Variants in TNS2 observed in about 807,000 individuals in gnomAD.
TNS2 encodes the protein tensin-2.
In TNS2, 77 loss-of-function variants were observed where a neutral mutation model predicts 155.7. That is an observed-to-expected ratio of 0.49 (90% CI 0.41 to 0.60). The LOEUF (loss-of-function observed/expected upper bound fraction) is 0.60. Ranked by LOEUF, TNS2 falls within the 20% of genes least tolerant of loss-of-function variation. The probability of loss-of-function intolerance (pLI) is 0.00; values close to 1 mark genes in which losing one functional copy is unlikely to be tolerated. For synonymous variants in TNS2, 726 were observed against 763.9 expected (o/e 0.95, Z 0.82); for missense variants, 1,703 against 1,868.8 (o/e 0.91, Z 1.64).
rs1395739532 is a variant in TNS2 at position 53,063,296 on chromosome 12, C to G, written c.3992+39C>G. 1.2e-6 allele frequency: 2 copies of G among 1,613,836 alleles called. No individual in the cohort carries two copies. Among genetic ancestry groups the G allele is most frequent in the East Asian group, 4.5e-5 (2 of 44,894 alleles). ...GCCCTGTAGAACCCCATGCTTAAGG[C>G]CCCTGGGGGCTCATGTTTCTGAGTG... On this transcript the variant is annotated intron_variant, in intron 26 of 28. Coordinates refer to ENST00000314250, the MANE Select transcript of TNS2 (RefSeq NM_170754.4). This position sits in a 1 kb window ranked among gnomAD's most constrained non-coding sequence, Gnocchi z 5.6.
chr12:53,063,320 T>G lies in TNS2; in HGVS notation c.3993-29T>G. 6.2e-7 allele frequency: 1 copy of G among 1,613,924 alleles called. No homozygotes were observed. Among genetic ancestry groups the G allele is most frequent in the Non-Finnish European group, 8.5e-7 (1 of 1,179,948 alleles). ...GCCCCTGGGGGCTCATGTTTCTGAG[T>G]GTGACCTTCCTCACCCTCCTCCTTG... On this transcript the variant is annotated intron_variant, in intron 26 of 28. Transcript: ENST00000314250. This position sits in a 1 kb window ranked among gnomAD's most constrained non-coding sequence, Gnocchi z 5.6.
At position 53,061,094 on chromosome 12, in the gene TNS2, A is replaced by G. The variant is rs556388649; in HGVS notation, c.3188A>G (p.Tyr1063Cys). ...CCTGCTTTCCCCCTGGCTGCCTCCTATGACACCAATGGCCTTAGCCAGCCC... is the reference window on the plus strand; with the variant it reads ...CCTGCTTTCCCCCTGGCTGCCTCCTGTGACACCAATGGCCTTAGCCAGCCC... ...PTPAFPLAAS[Y>C]DTNGLSQPPL... The change falls in exon 20 of 29, where the codon TAT becomes TGT. Residue 1063 changes from tyrosine (Y) to cysteine (C), a missense_variant. Tyr to Cys is a radical substitution (Grantham distance 194). Transcript: ENST00000314250. 5.0e-6 allele frequency: 8 copies of G among 1,611,664 alleles called. No homozygotes were observed. In the South Asian group the frequency reaches 6.6e-5, roughly 13 times the overall value.
Position 53,063,182 on chromosome 12 carries a change from GCC to G in TNS2, c.3921_3922del (p.Arg1308ProfsTer41), listed in dbSNP as rs1309771103. 8 of 1,612,274 alleles carry G rather than the reference GCC, an allele frequency of 5.0e-6. No individual in the cohort carries two copies. The highest frequency in any genetic ancestry group is 6.8e-6 in the Non-Finnish European group (8 of 1,179,504). On this transcript the variant is annotated frameshift_variant, in exon 26 of 29. Transcript: ENST00000314250. LOFTEE classifies it high-confidence loss of function. This position sits in a 1 kb window ranked among gnomAD's most constrained non-coding sequence, Gnocchi z 5.6. ...GCCAGCTCTGCAGCTCTGAGCTGTA[GCC>G]CCCGCCCGACACCAGCTGTTGTCCA... is the stretch of plus-strand genomic sequence containing the variant.
Position 53,057,607 on chromosome 12 carries a change from A to G in TNS2, c.886A>G (p.Arg296Gly), listed in dbSNP as rs1384945852. ...CAGTGGGCTGCTATCTGGCTCCATC[A>G]GAATGAACAGCAGCCCTCTCTTCCT... is the stretch of plus-strand genomic sequence containing the variant. ...YFSGLLSGSIRMNSSPLFLHY... is the reference protein window; with the variant it reads ...YFSGLLSGSIGMNSSPLFLHY... The change falls in exon 12 of 29, where the codon AGA (arginine) becomes GGA (glycine). Residue 296 changes from arginine to glycine, a missense_variant. Arg to Gly is a moderately radical substitution (Grantham distance 125, BLOSUM62 -2). Transcript: ENST00000314250. The G allele has an allele frequency of 2.5e-6, 4 of 1,613,800 alleles. No homozygotes were observed. Among genetic ancestry groups the G allele is most frequent in the Non-Finnish European group, 3.4e-6 (4 of 1,179,860 alleles).
Position 53,058,566 on chromosome 12 carries a change from C to G in TNS2, c.1226-6C>G, listed in dbSNP as rs370724710. ...GGCCTGGTTCTTCACTGTCCACTCC[C>G]CATAGATGAGAGGTTCCCCTTCCAA... On this transcript the variant is annotated splice_polypyrimidine_tract_variant and splice_region_variant and intron_variant, in intron 15 of 28. Transcript: ENST00000314250. The G allele has an allele frequency of 6.2e-7, 1 of 1,614,090 alleles. No individual in the cohort carries two copies. The highest frequency in any genetic ancestry group is 8.5e-7 in the Non-Finnish European group (1 of 1,179,996).
rs1231887179 is a variant in TNS2 at position 53,061,460 on chromosome 12, C to T, written c.3439C>T (p.Arg1147Cys). 8.7e-6 allele frequency: 14 copies of T among 1,613,944 alleles called. No individual in the cohort carries two copies. The South Asian group carries it at 8.8e-5, about 10-fold the overall frequency. ...SKFWYKPHLS[R>C]DQAIALLKDK... ...GTTCTGGTACAAGCCACACCTGTCC[C>T]GTGACCAAGGTGAGAAGCCAGCCTG... is the stretch of plus-strand genomic sequence containing the variant. The change falls in exon 21 of 29, where the codon CGT becomes TGT. Residue 1147 changes from arginine to cysteine, a missense_variant. Coordinates refer to ENST00000314250, the MANE Select transcript of TNS2 (RefSeq NM_170754.4).
Position 53,059,207 on chromosome 12 carries a change from G to T in TNS2, c.1566G>T (p.Glu522Asp). The T allele has an allele frequency of 6.3e-7, 1 of 1,583,954 alleles. No individual in the cohort carries two copies. The highest frequency in any genetic ancestry group is 1.8e-5 in the Admixed American group (1 of 55,548). The change falls in exon 18 of 29, where the codon GAG becomes GAT. Residue 522 changes from glutamate to aspartate, a missense_variant. Coordinates refer to ENST00000314250, the MANE Select transcript of TNS2 (RefSeq NM_170754.4). The surrounding 1 kb of genome is among the most constrained non-coding windows in gnomAD (Gnocchi z 4.7). The stretch of plus-strand genomic sequence containing the variant: ...GCCATTCCTCCACGCTGACCACAGA[G>T]CCGGCTGCTGAGTCCCCTGGCCGGC... ...DSGHSSTLTT[E>D]PAAESPGRPP... is the part of the protein sequence containing the mutation.
Position 53,059,919 on chromosome 12 carries a change from G to A in TNS2, c.2278G>A (p.Ala760Thr). The A allele has an allele frequency of 1.2e-6, 2 of 1,611,528 alleles. No homozygotes were observed. Among genetic ancestry groups the A allele is most frequent in the South Asian group, 2.2e-5 (2 of 90,958 alleles). The part of the protein sequence containing the change: ...PDYSCLKPPK[A>T]GEEGHEGCSY... ...CTACAGCTGCCTGAAGCCACCCAAGGCAGGCGAGGAAGGGCACGAGGGCTG... is the reference window on the plus strand; with the variant it reads ...CTACAGCTGCCTGAAGCCACCCAAGACAGGCGAGGAAGGGCACGAGGGCTG... The change falls in exon 18 of 29, where the codon GCA becomes ACA. Residue 760 changes from alanine to threonine, a missense_variant. Coordinates refer to ENST00000314250, the MANE Select transcript of TNS2 (RefSeq NM_170754.4). The surrounding 1 kb of genome is among the most constrained non-coding windows in gnomAD (Gnocchi z 4.7).
rs376999311 is a variant in TNS2 at position 53,062,276 on chromosome 12, T to C, written c.3667+31T>C. The C allele has an allele frequency of 1.7e-5, 27 of 1,613,244 alleles. No individual in the cohort carries two copies. The African/African-American group carries it at 2.0e-4, about 12-fold the overall frequency. The stretch of plus-strand genomic sequence containing the variant: ...AAGCAGGAGCCTGGGGAAGGCTACG[T>C]TGGGTCGGTTTAGGGAGATGCCAAG... On this transcript the variant is annotated intron_variant, in intron 23 of 28. Transcript: ENST00000314250.
upstream of TNS2, among the ~76,000 whole-genome samples, chr12:53,047,246 C>T (rs1367438954): frequency 1.4e-5 from 2 of 143,894 alleles, no homozygotes; most frequent in African/African-American, 5.0e-5. Context: ...CGCCCGCTCC[C>T]GCCACTGCCA....
Position 53,059,109 on chromosome 12 carries a change from C to T in TNS2, c.1468C>T (p.Pro490Ser). Residue 490 changes from proline to serine, a missense_variant, in exon 18 of 29, where the codon CCC becomes TCC. Pro to Ser is a moderately conservative substitution (Grantham distance 74). Transcript: ENST00000314250. This position sits in a 1 kb window ranked among gnomAD's most constrained non-coding sequence, Gnocchi z 4.7. ...GSPYAQVQRPPRQTPPAPSPE... is the reference protein window; with the variant it reads ...GSPYAQVQRPSRQTPPAPSPE... ...TCCTTATGCCCAGGTGCAGCGGCCTCCCCGGCAGACCCCCCCGGCACCCTC... is the reference window on the plus strand; with the variant it reads ...TCCTTATGCCCAGGTGCAGCGGCCTTCCCGGCAGACCCCCCCGGCACCCTC... The T allele has an allele frequency of 6.4e-7, 1 of 1,551,270 alleles. No individual in the cohort carries two copies.
rs747020385 is a variant in TNS2, at chr12:53,058,327, T to C, written c.1107T>C (p.Tyr369=). Residue 369 remains tyrosine (Y), a synonymous_variant, in exon 15 of 29, where the codon TAT becomes TAC. Transcript: ENST00000314250. ...TGCCTTTCTCCCAGGTAACATGTTA[T>C]CACAAGGGTGGCCGGGGCACAGACC... ...LLKGDVMVTC[Y]HKGGRGTDRT... The C allele has an allele frequency of 4.0e-5, 65 of 1,613,980 alleles. No homozygotes were observed. The highest frequency in any genetic ancestry group is 1.9e-4 in the African/African-American group (14 of 74,908).
At position 53,055,222 on chromosome 12, in the gene TNS2, C is replaced by G; in HGVS notation, c.559C>G (p.Arg187Gly). 6.2e-7 allele frequency: 1 copy of G among 1,614,012 alleles called. No individual in the cohort carries two copies. The highest frequency in any genetic ancestry group is 8.5e-7 in the Non-Finnish European group (1 of 1,179,984). The change falls in exon 8 of 29, where the codon CGC becomes GGC. Residue 187 changes from arginine (R) to glycine (G), a missense_variant. Physicochemically the swap from Arg to Gly is moderately radical, Grantham distance 125. Transcript: ENST00000314250. ...NLSEKRHDLT[R>G]LNPKVQDFGW... ...TTCAGAGAAAAGGCATGACCTGACC[C>G]GCTTAAACCCCAAGGTATGAAGGAA...
rs1448411869 is a variant in TNS2 at position 53,061,123 on chromosome 12, C to G, written c.3217C>G (p.Leu1073Val). 6.2e-7 allele frequency: 1 copy of G among 1,610,896 alleles called. No homozygotes were observed. The highest frequency in any genetic ancestry group is 8.5e-7 in the Non-Finnish European group (1 of 1,178,478). Residue 1073 changes from leucine to valine, a missense_variant, in exon 20 of 29, where the codon CTT (leucine) becomes GTT (valine). Leu to Val is a conservative substitution (Grantham distance 32). Coordinates refer to ENST00000314250, the MANE Select transcript of TNS2 (RefSeq NM_170754.4). ...CACCAATGGCCTTAGCCAGCCCCCA[C>G]TTCCTGAGAAACGCCACCTGCCCGG... ...YDTNGLSQPP[L>V]PEKRHLPGPG...
chr12:53,058,875 C>T, intron 17 of TNS2, 48 bp downstream of exon 17: 2 of 1,598,866 alleles, frequency 1.3e-6, no homozygotes, highest in East Asian at 2.2e-5. Context: ...GTGGCGGGAC[C>T]CTGGGGGGTG....
intron 6 of TNS2, 62 bp downstream of exon 6, chr12:53,054,076 C>G: frequency 1.2e-6 from 2 of 1,608,572 alleles, no homozygotes; most frequent in South Asian, 1.1e-5. Flanking sequence ...ACACCTCAGC[C>G]CAGGGCACTG....
chr12:53,052,158 A>G, intron 2 of TNS2, 195 bp downstream of exon 2: 1 of 610,052 alleles, frequency 1.6e-6, no homozygotes, highest in Admixed American at 3.0e-5. Flanking sequence ...ATAACCCAGG[A>G]GAGCCAGTAC....
chr12:53,061,491 A>AC (rs1050618976), intron 21 of TNS2, 22 bp downstream of exon 21: 15 of 1,611,554 alleles, frequency 9.3e-6, no homozygotes, highest in Non-Finnish European at 1.2e-5. Context: ...GCCTGCCCCC[A>AC]CCCCACTGCA....
rs1943879440 is a variant in TNS2 at position 53,050,225 on chromosome 12, C to G, written c.40C>G (p.Leu14Val). 3.9e-5 allele frequency: 63 copies of G among 1,610,580 alleles called. No individual in the cohort carries two copies. Among genetic ancestry groups the G allele is most frequent in the Non-Finnish European group, 5.2e-5 (61 of 1,179,238 alleles). Reference sequence around the variant, plus strand: ...CCCTGTGGAGAGGCTGCTCAGAGCCCTGGGGAGGAGGGACAGCAGCCGGGC... The same window carrying G: ...CCCTGTGGAGAGGCTGCTCAGAGCCGTGGGGAGGAGGGACAGCAGCCGGGC... ...SGPVERLLRA[L>V]GRRDSSRAAS... The change falls in exon 1 of 29, where the codon CTG (leucine) becomes GTG (valine). Residue 14 changes from leucine to valine, a missense_variant. Leu to Val is a conservative substitution (Grantham distance 32). Transcript: ENST00000314250. The surrounding 1 kb of genome is among the most constrained non-coding windows in gnomAD (Gnocchi z 4.7).
Sources: allele counts gnomAD v4.1 joint callset (sites outside exome capture counted in the v4.1 genomes callset), GRCh38; gene constraint gnomAD v4.1.1; non-coding constraint Gnocchi (gnomAD v3.1); transcripts MANE v1.5; gene names NCBI Gene and HGNC (gene_info 2026-07-23, HGNC 2026-07-21).